Variants in ARHGAP40 observed in about 807,000 individuals in gnomAD.
The protein encoded by ARHGAP40 is rho GTPase-activating protein 40.
ARHGAP40 carries 43 observed loss-of-function variants against 73.5 expected under a neutral mutation model. The observed-to-expected ratio is 0.58, with a 90% CI of 0.46 to 0.75. The LOEUF (loss-of-function observed/expected upper bound fraction) is 0.75, where lower values mean the gene tolerates loss of function less well. Ranked by LOEUF, ARHGAP40 falls within the 30% of genes least tolerant of loss-of-function variation. The pLI is 0.00. For missense variants in ARHGAP40, 734 were observed against 861.8 expected, an observed-to-expected ratio of 0.85 and a Z score of 1.86; for synonymous variants, 300 against 352.8, an observed-to-expected ratio of 0.85 and a Z score of 1.68.
At chr20:38,640,104 C>CTCCTCTTCT (rs1207485799) in intron 9 of ARHGAP40, among the ~76,000 whole-genome samples, 2 of 145,044 alleles carry the variant, frequency 1.4e-5, no homozygotes, top group South Asian at 4.6e-4. Context: ...CTTCTTCTTC[C>CTCCTCTTCT]TCCTCTTCTT....
chr20:38,615,029 G>T (rs2088826628), intron 1 of ARHGAP40: 2 of 1,143,066 alleles, frequency 1.7e-6, no homozygotes, highest in Non-Finnish European at 2.7e-6. Flanking sequence ...TCAAGGTCAA[G>T]TTATCCGGCT....
At chr20:38,649,969 T>A (rs220522) in exon 15 of ARHGAP40, 376,438 of 650,016 alleles carry the variant, frequency 0.58, 113,623 homozygotes, top group African/African-American at 0.84. Context: ...ATTCCAAGGC[T>A]TCCTTTTCTG....
intron 1 of ARHGAP40, among the ~76,000 whole-genome samples, chr20:38,622,965 G>A (rs765739182): frequency 3.3e-5 from 5 of 152,172 alleles, no homozygotes; most frequent in Non-Finnish European, 7.4e-5. Flanking sequence ...GAAGTGTGAG[G>A]GAAGGAGACA....
At chr20:38,643,429 AC>A (rs1179600823) in intron 10 of ARHGAP40, among the ~76,000 whole-genome samples, 8 of 152,244 alleles carry the variant, frequency 5.3e-5, no homozygotes, top group Admixed American at 3.9e-4. Context: ...GCCCTTTTCT[AC>A]CTGGAAGTTG....
chr20:38,633,321 T>G (rs1204249973), intron 5 of ARHGAP40, among the ~76,000 whole-genome samples: 1 of 152,200 alleles, frequency 6.6e-6, no homozygotes, highest in Non-Finnish European at 1.5e-5. Context: ...CATATTGATC[T>G]TTTACCACAC....
intron 1 of ARHGAP40, among the ~76,000 whole-genome samples, chr20:38,618,748 A>T (rs539809680): frequency 7.9e-5 from 12 of 152,062 alleles, no homozygotes; most frequent in Non-Finnish European, 1.5e-4. Context: ...CAACATAGCA[A>T]CCCCTTCCAA....
intron 5 of ARHGAP40, among the ~76,000 whole-genome samples, chr20:38,633,635 G>A (rs2088955045): frequency 6.6e-6 from 1 of 152,218 alleles, no homozygotes; most frequent in African/African-American, 2.4e-5. Flanking sequence ...GCACTAGGCT[G>A]TATTATAAGC....
At chr20:38,613,560 T>C (rs1292791756) in intron 1 of ARHGAP40, among the ~76,000 whole-genome samples, 1 of 152,060 alleles carries the variant, frequency 6.6e-6, no homozygotes, top group African/African-American at 2.4e-5. Context: ...TTCCAGCCCA[T>C]GGGCAGGGTG....
At position 38,614,366 on chromosome 20, in the gene ARHGAP40, T is replaced by C. The variant is rs140301569; in HGVS notation, c.138-8993T>C. Among the ~76,000 whole-genome samples, 170 of 152,292 alleles carry C rather than the reference T, an allele frequency of 1.1e-3. 4 individuals are homozygous for C. The highest frequency in any genetic ancestry group is 0.011 in the South Asian group (51 of 4,816). ...ATTGCCTTTCTTTCTTTCTTTCTTTTTTTTTGAGTTGGGTCCATTTTTATT... is the reference window on the plus strand; with the variant it reads ...ATTGCCTTTCTTTCTTTCTTTCTTTCTTTTTGAGTTGGGTCCATTTTTATT... On this transcript the variant is annotated intron_variant, in intron 1 of 14. Transcript: ENST00000373345.
At chr20:38,601,891 A>G in exon 1 of ARHGAP40, 1 of 1,286,432 alleles carries the variant, frequency 7.8e-7, no homozygotes, top group Non-Finnish European at 1.0e-6. Context: ...CGATCGAGTC[A>G]GCCCCACGGC....
intron 1 of ARHGAP40, among the ~76,000 whole-genome samples, chr20:38,620,845 C>T (rs1479570054): frequency 1.3e-5 from 2 of 152,160 alleles, no homozygotes; most frequent in Middle Eastern, 6.3e-3. Flanking sequence ...GTTTAGGACT[C>T]GGAGTTGAGC....
chr20:38,621,399 G>A (rs1286341470), intron 1 of ARHGAP40, among the ~76,000 whole-genome samples: 1 of 152,096 alleles, frequency 6.6e-6, no homozygotes. Flanking sequence ...AAGGAAATGG[G>A]GATATTTCAA....
At chr20:38,627,405 G>GGT (rs749108336) in intron 3 of ARHGAP40, among the ~76,000 whole-genome samples, 190 bp downstream of exon 3, 9 of 143,128 alleles carry the variant, frequency 6.3e-5, no homozygotes, top group Non-Finnish European at 1.1e-4. Flanking sequence ...TGTGTGTTGG[G>GGT]GTATGTGTGT....
At chr20:38,627,894 C>T (rs1000736185) in intron 3 of ARHGAP40, among the ~76,000 whole-genome samples, 10 of 152,172 alleles carry the variant, frequency 6.6e-5, no homozygotes, top group African/African-American at 2.2e-4. Context: ...AGGCAAGCCC[C>T]TAAATTGGGG....
Position 38,634,610 on chromosome 20 carries a change from C to T in ARHGAP40, c.784-10C>T. 2 of 1,305,414 alleles carry T rather than the reference C, an allele frequency of 1.5e-6. No individual in the cohort carries two copies. Among genetic ancestry groups the T allele is most frequent in the Non-Finnish European group, 2.0e-6 (2 of 988,938 alleles). 80.9% of individuals were successfully genotyped at this position (1,305,414 alleles called of 1,614,324 possible). A position where few individuals can be genotyped will look rare whatever the true frequency, so the allele number is the denominator to read the frequency against. Reference sequence around the variant, plus strand: ...TGACAAATTGTCTTTACTTCCCTCTCTATTAATAGAAGTTTACCGTCCCCA... The same window carrying T: ...TGACAAATTGTCTTTACTTCCCTCTTTATTAATAGAAGTTTACCGTCCCCA... On this transcript the variant is annotated splice_polypyrimidine_tract_variant and intron_variant, in intron 5 of 14. Transcript: ENST00000373345.
chr20:38,629,016 A>C lies in ARHGAP40; in HGVS notation c.634+14A>C, dbSNP rs1000808693. On this transcript the variant is annotated intron_variant, in intron 4 of 14. Transcript: ENST00000373345. ...AGTTTCCTCCAGGTAAGTGGTCTTC[A>C]TTCTCCAGGGCCCTGAGAATCCTCC... 2.3e-6 allele frequency: 3 copies of C among 1,303,316 alleles called. No individual in the cohort carries two copies. Among genetic ancestry groups the C allele is most frequent in the Non-Finnish European group, 3.0e-6 (3 of 987,890 alleles). 80.7% of individuals were successfully genotyped at this position (1,303,316 alleles called of 1,614,324 possible). A position where few individuals can be genotyped will look rare whatever the true frequency, so the allele number is the denominator to read the frequency against.
chr20:38,649,500 G>A (rs914846450), intron 14 of ARHGAP40, among the ~76,000 whole-genome samples: 1 of 152,216 alleles, frequency 6.6e-6, no homozygotes, highest in African/African-American at 2.4e-5. Context: ...TCTGAGGCAA[G>A]GGCACTGGTC....
chr20:38,646,094 C>A lies in ARHGAP40; in HGVS notation c.1617C>A (p.Ser539Arg), dbSNP rs754520132. 3 of 1,304,252 alleles carry A rather than the reference C, an allele frequency of 2.3e-6. No individual in the cohort carries two copies. In the South Asian group the frequency reaches 3.7e-5, roughly 16 times the overall value. The allele number at this position is 1,304,252 out of a possible 1,614,324, so 80.8% of individuals were successfully genotyped here. ...AGGTGCGAAAACTGAACGACAGTAGCAGCAGGCGCCCCCAGCTCTGCGACG... is the reference window on the plus strand; with the variant it reads ...AGGTGCGAAAACTGAACGACAGTAGAAGCAGGCGCCCCCAGCTCTGCGACG... Residue 539 changes from serine (S) to arginine (R), a missense_variant, in exon 12 of 15, where the codon AGC (serine) becomes AGA (arginine). Coordinates refer to ENST00000373345, the Ensembl canonical transcript of ARHGAP40. The surrounding 1 kb of genome is among the most constrained non-coding windows in gnomAD (Gnocchi z 4.5).
At chr20:38,618,532 C>T (rs1233995857) in intron 1 of ARHGAP40, among the ~76,000 whole-genome samples, 2 of 152,150 alleles carry the variant, frequency 1.3e-5, no homozygotes, top group Non-Finnish European at 2.9e-5. Flanking sequence ...GCAAGAATAC[C>T]TGCTCTCTGC....
Sources: gnomAD v4.1 joint callset for allele counts (sites outside exome capture counted in the v4.1 genomes callset) on GRCh38, gnomAD v4.1.1 for gene constraint, Gnocchi (gnomAD v3.1) non-coding constraint, MANE v1.5 for transcripts, NCBI Gene and HGNC (gene_info 2026-07-23, HGNC 2026-07-21) for gene names.